MARK2: variants seen among roughly 807,000 people sequenced by gnomAD.
The protein encoded by MARK2 is serine/threonine-protein kinase MARK2.
In MARK2, 16 loss-of-function variants were observed where a neutral mutation model predicts 89.8. That is an observed-to-expected ratio of 0.18 (90% CI 0.12 to 0.27). The LOEUF is 0.27. MARK2 is among the 10% of genes least tolerant of loss of function. The probability of loss-of-function intolerance (pLI) is 1.00; values close to 1 mark genes in which losing one functional copy is unlikely to be tolerated. For missense variants in MARK2, 621 were observed against 1,049.9 expected, an observed-to-expected ratio of 0.59 and a Z score of 5.65; for synonymous variants, 382 against 399.5, an observed-to-expected ratio of 0.96 and a Z score of 0.52.
chr11:63,843,522 G>T (rs1025762181), intron 1 of MARK2, among the ~76,000 whole-genome samples: 1 of 152,058 alleles, frequency 6.6e-6, no homozygotes, highest in Non-Finnish European at 1.5e-5. Context: ...AAGTACTGGT[G>T]AAGAAAACAA....
At chr11:63,894,745 C>T (rs989639372) in intron 1 of MARK2, among the ~76,000 whole-genome samples, 11 of 152,024 alleles carry the variant, frequency 7.2e-5, no homozygotes, top group African/African-American at 1.4e-4. Flanking sequence ...TTTTGGGTGG[C>T]GATGAGGGCG....
chr11:63,856,061 C>T (rs528011428), intron 1 of MARK2, among the ~76,000 whole-genome samples: 19 of 152,134 alleles, frequency 1.2e-4, no homozygotes, highest in Non-Finnish European at 2.6e-4. Context: ...GAGAAAACCA[C>T]GGTAGCAGAC....
Position 63,860,625 on chromosome 11 carries a change from A to G in MARK2, c.54+21065A>G, listed in dbSNP as rs1449405863. Among the ~76,000 whole-genome samples, 14 of 145,296 alleles carry G rather than the reference A, an allele frequency of 9.6e-5. No homozygotes were observed. In the East Asian group the frequency reaches 1.1e-3, roughly 11 times the overall value. On this transcript the variant is annotated intron_variant, in intron 1 of 18. Coordinates refer to ENST00000402010, the MANE Select transcript of MARK2 (RefSeq NM_001039469.3). ...TGTAATCCCAGCACTTTGGGAGGCCAGGGCGGGTGGATCACGAGGTCAGGA... is the reference window on the plus strand; with the variant it reads ...TGTAATCCCAGCACTTTGGGAGGCCGGGGCGGGTGGATCACGAGGTCAGGA...
chr11:63,890,321 T>TG, intron 1 of MARK2: 1 of 1,308,576 alleles, frequency 7.6e-7, no homozygotes, highest in Non-Finnish European at 1.0e-6. Flanking sequence ...ATTGAGCACT[T>TG]GGAGTCCTCT....
intron 1 of MARK2, among the ~76,000 whole-genome samples, chr11:63,842,335 G>T (rs1173480923): frequency 6.6e-6 from 1 of 151,538 alleles, no homozygotes. Context: ...CCCTGCCTCA[G>T]CCTCCTGAGT....
intron 1 of MARK2, among the ~76,000 whole-genome samples, chr11:63,875,648 CAGGA>C (rs1938705645): frequency 6.6e-6 from 1 of 152,230 alleles, no homozygotes; most frequent in Non-Finnish European, 1.5e-5. Flanking sequence ...GCAGCTGTTT[CAGGA>C]AACCGCCCTT....
rs779507575 is a variant in MARK2 at position 63,909,264 on chromosome 11, G to T, written c.*27G>T. ...AGGCTGCCAGGAGCGGGGGCGGCGG[G>T]GGCGGGCCAGCTGGACGGGCTGCCG... is the stretch of plus-strand genomic sequence containing the variant. On this transcript the variant is annotated 3_prime_UTR_variant, in exon 19 of 19. Coordinates refer to ENST00000402010, the MANE Select transcript of MARK2 (RefSeq NM_001039469.3). The T allele has an allele frequency of 3.9e-6, 6 of 1,551,380 alleles. No homozygotes were observed. The highest frequency in any genetic ancestry group is 4.4e-6 in the Non-Finnish European group (5 of 1,142,072).
chr11:63,860,273 G>A (rs948526620), intron 1 of MARK2, among the ~76,000 whole-genome samples: 1 of 152,174 alleles, frequency 6.6e-6, no homozygotes, highest in African/African-American at 2.4e-5. Flanking sequence ...ACTCATGTCG[G>A]CTGGGTGCAG....
At chr11:63,882,566 A>C (rs1939160595) in intron 1 of MARK2, 1 of 152,194 alleles carries the variant, frequency 6.6e-6, no homozygotes, top group African/African-American at 2.4e-5. Flanking sequence ...CCTGGGCAAC[A>C]GGAGCGAAAC....
chr11:63,863,248 T>C (rs1210567543), intron 1 of MARK2, among the ~76,000 whole-genome samples: 1 of 152,214 alleles, frequency 6.6e-6, no homozygotes, highest in Admixed American at 6.5e-5. Context: ...TGGCTAGCTA[T>C]GGGGACTAGG....
intron 1 of MARK2, among the ~76,000 whole-genome samples, chr11:63,855,527 C>CAAA (rs34126066): frequency 1.1e-5 from 1 of 91,916 alleles, no homozygotes. Flanking sequence ...ATTTCAAAAA[C>CAAA]AAAAAAAAAA....
intron 6 of MARK2, 43 bp downstream of exon 6, chr11:63,898,876 T>C: frequency 6.4e-7 from 1 of 1,570,570 alleles, no homozygotes; most frequent in Non-Finnish European, 8.8e-7. Flanking sequence ...TGACCTCTGC[T>C]TTTGGGGTTT....
chr11:63,874,781 G>GAT (rs1229605566), intron 1 of MARK2, among the ~76,000 whole-genome samples: 1 of 152,200 alleles, frequency 6.6e-6, no homozygotes, highest in East Asian at 1.9e-4. Context: ...ATCAGCGTTA[G>GAT]ATACCACGGT....
At chr11:63,851,049 A>G (rs1419756283) in intron 1 of MARK2, among the ~76,000 whole-genome samples, 1 of 152,162 alleles carries the variant, frequency 6.6e-6, no homozygotes, top group Non-Finnish European at 1.5e-5. Context: ...CCATGATTGT[A>G]GGTTCCTTTT....
At chr11:63,879,653 G>A (rs1938975271) in intron 1 of MARK2, among the ~76,000 whole-genome samples, 1 of 151,964 alleles carries the variant, frequency 6.6e-6, no homozygotes, top group African/African-American at 2.4e-5. Context: ...CTTGCTTCTA[G>A]AAAGATTGGC....
Position 63,865,380 on chromosome 11 carries a change from A to T in MARK2, c.54+25820A>T, listed in dbSNP as rs1591004828. ...CAGCCTCCCAAGTAGCTGGGACCAC[A>T]GGTGCTCTTTTTGTTAAGAGTGGAA... On this transcript the variant is annotated intron_variant, in intron 1 of 18. Transcript: ENST00000402010. 2.0e-5 allele frequency among the ~76,000 whole-genome samples: 3 copies of T among 152,226 alleles called. No homozygotes were observed. In the South Asian group the frequency reaches 6.2e-4, roughly 31 times the overall value.
chr11:63,890,878 G>C (rs1445963456), intron 1 of MARK2, among the ~76,000 whole-genome samples: 1 of 152,218 alleles, frequency 6.6e-6, no homozygotes, highest in Non-Finnish European at 1.5e-5. Flanking sequence ...GCTTGTACGT[G>C]GGGGAGCCAG....
At chr11:63,881,301 G>C (rs1369831261) in intron 1 of MARK2, among the ~76,000 whole-genome samples, 4 of 151,984 alleles carry the variant, frequency 2.6e-5, no homozygotes, top group Admixed American at 2.0e-4. Context: ...GAGAAACTCT[G>C]TCTCAAAAAA....
At chr11:63,883,080 G>T (rs931017102) in intron 1 of MARK2, among the ~76,000 whole-genome samples, 1 of 152,198 alleles carries the variant, frequency 6.6e-6, no homozygotes, top group African/African-American at 2.4e-5. Context: ...GGGAGGAACC[G>T]CATAAAGTGC....
Sources: allele counts gnomAD v4.1 joint callset (sites outside exome capture counted in the v4.1 genomes callset), GRCh38; gene constraint gnomAD v4.1.1; transcripts MANE v1.5; gene names NCBI Gene and HGNC (gene_info 2026-07-23, HGNC 2026-07-21).